PPM1L: variants seen among roughly 807,000 people sequenced by gnomAD.
The protein encoded by PPM1L is protein phosphatase 1L.
In PPM1L, 13 loss-of-function variants were observed where a neutral mutation model predicts 31.4. The observed-to-expected ratio is 0.41, with a 90% CI of 0.27 to 0.66. The LOEUF is 0.66. Among genes scored for constraint, PPM1L ranks in the 30% least tolerant of loss-of-function variants. The probability of loss-of-function intolerance (pLI) is 0.29; values close to 1 mark genes in which losing one functional copy is unlikely to be tolerated. For missense variants in PPM1L, 326 were observed against 453.7 expected, an observed-to-expected ratio of 0.72 and a Z score of 2.56; for synonymous variants, 184 against 175.4, an observed-to-expected ratio of 1.05 and a Z score of -0.39.
chr3:161,003,836 T>G (rs1389609121), intron 2 of PPM1L, among the ~76,000 whole-genome samples: 1 of 151,370 alleles, frequency 6.6e-6, no homozygotes, highest in Non-Finnish European at 1.5e-5. Context: ...TTTATTTCCT[T>G]CTCCTGCCTA....
At chr3:160,947,468 A>G (rs1285072092) in intron 1 of PPM1L, among the ~76,000 whole-genome samples, 3 of 151,846 alleles carry the variant, frequency 2.0e-5, no homozygotes, top group African/African-American at 7.3e-5. Context: ...CCTCCTCATC[A>G]TTTTTTAGAT....
chr3:160,826,462 A>T (rs905721765), intron 1 of PPM1L, among the ~76,000 whole-genome samples: 4 of 152,194 alleles, frequency 2.6e-5, no homozygotes, highest in African/African-American at 7.2e-5. Context: ...ATGAAATAAG[A>T]TGTTTAGTAA....
rs375607546 is a variant in PPM1L, at chr3:161,038,511, A to G, written c.575-26892A>G. Reference sequence around the variant, plus strand: ...TTATGTGTAGAAACGTGGTCTCACTATGTTGCCCAGGCTCAAACTTCTGGT... The same window carrying G: ...TTATGTGTAGAAACGTGGTCTCACTGTGTTGCCCAGGCTCAAACTTCTGGT... On this transcript the variant is annotated intron_variant, in intron 2 of 3. Coordinates refer to ENST00000498165, the MANE Select transcript of PPM1L (RefSeq NM_139245.4). 8.5e-5 allele frequency among the ~76,000 whole-genome samples: 12 copies of G among 141,260 alleles called. No individual in the cohort carries two copies. The East Asian group carries it at 2.5e-3, about 29-fold the overall frequency. 92.7% of individuals were successfully genotyped at this position (141,260 alleles called of 152,430 possible).
intron 1 of PPM1L, among the ~76,000 whole-genome samples, chr3:160,837,707 G>A (rs915251432): frequency 6.6e-6 from 1 of 152,144 alleles, no homozygotes; most frequent in African/African-American, 2.4e-5. Flanking sequence ...GCCAAGCCTC[G>A]GGTGGGACCC....
chr3:160,908,887 A>G (rs1473787173), intron 1 of PPM1L, among the ~76,000 whole-genome samples: 1 of 152,186 alleles, frequency 6.6e-6, no homozygotes, highest in Non-Finnish European at 1.5e-5. Flanking sequence ...AGGAGAATTC[A>G]TTTTGGGCTT....
Position 160,756,752 on chromosome 3 carries a change from CGTGTGTGT to C in PPM1L, c.399+76_399+83del, listed in dbSNP as rs113273287. 1,039 of 1,016,598 alleles carry C rather than the reference CGTGTGTGT, an allele frequency of 1.0e-3. 2 individuals carry two copies. The highest frequency in any genetic ancestry group is 2.6e-3 in the African/African-American group (142 of 55,506). 63.0% of individuals were successfully genotyped at this position (1,016,598 alleles called of 1,614,324 possible). ...TTTGTATTTGTGTCCGTGTATGTCT[CGTGTGTGT>C]GTGTGTGTGTGTGTGTGTGTGTGTG... On this transcript the variant is annotated intron_variant, in intron 1 of 3. Transcript: ENST00000498165. This position sits in a 1 kb window ranked among gnomAD's most constrained non-coding sequence, Gnocchi z 6.2.
rs1716715692 is a variant in PPM1L, at chr3:160,979,226, T to G, written c.574+17316T>G. On this transcript the variant is annotated intron_variant, in intron 2 of 3. Transcript: ENST00000498165. ...GGGGTTTATTTATTTGACAGTAATTTGTATTCATTTATTGATTTTCCAACC... is the reference window on the plus strand; with the variant it reads ...GGGGTTTATTTATTTGACAGTAATTGGTATTCATTTATTGATTTTCCAACC... Among the ~76,000 whole-genome samples, 2 of 152,020 alleles carry G rather than the reference T, an allele frequency of 1.3e-5. 1 individual carries two copies. Among genetic ancestry groups the G allele is most frequent in the Non-Finnish European group, 2.9e-5 (2 of 67,970 alleles).
intron 1 of PPM1L, among the ~76,000 whole-genome samples, chr3:160,875,675 C>A (rs907332125): frequency 1.3e-5 from 2 of 152,178 alleles, no homozygotes; most frequent in African/African-American, 4.8e-5. Context: ...ATCATTATAA[C>A]AATTGTATGA....
At chr3:160,854,164 G>A (rs146679603) in intron 1 of PPM1L, among the ~76,000 whole-genome samples, 53 of 152,210 alleles carry the variant, frequency 3.5e-4, no homozygotes, top group South Asian at 1.9e-3. Flanking sequence ...TACTTTGACC[G>A]CATCATGTGG....
intron 2 of PPM1L, among the ~76,000 whole-genome samples, chr3:161,033,846 T>TA (rs1718654575): frequency 6.6e-6 from 1 of 152,270 alleles, no homozygotes; most frequent in East Asian, 1.9e-4. Context: ...ACAAATAAGA[T>TA]ATAATTCAAC....
Position 161,076,582 on chromosome 3 carries a change from C to T in PPM1L, c.*7425C>T, listed in dbSNP as rs890577646. 2.0e-5 allele frequency: 3 copies of T among 152,104 alleles called. No individual in the cohort carries two copies. Among genetic ancestry groups the T allele is most frequent in the Non-Finnish European group, 4.4e-5 (3 of 68,018 alleles). The allele number at this position is 152,104 out of a possible 1,614,324, so 9.4% of individuals were successfully genotyped here. A position where few individuals can be genotyped will look rare whatever the true frequency, so the allele number is the denominator to read the frequency against. On this transcript the variant is annotated 3_prime_UTR_variant, in exon 4 of 4. Transcript: ENST00000498165. Reference sequence around the variant, plus strand: ...CTACAATATTGTCTTTCAGTTTACTCTTCAATTACTAAAGCAAATGATTTT... The same window carrying T: ...CTACAATATTGTCTTTCAGTTTACTTTTCAATTACTAAAGCAAATGATTTT...
intron 1 of PPM1L, among the ~76,000 whole-genome samples, chr3:160,843,513 A>G (rs1713972828): frequency 7.3e-6 from 1 of 137,750 alleles, no homozygotes; most frequent in Non-Finnish European, 1.5e-5. Context: ...CATGTGCACA[A>G]CGTGCAGGTT....
intron 1 of PPM1L, among the ~76,000 whole-genome samples, chr3:160,788,929 T>C (rs1212960932): frequency 7.2e-5 from 11 of 151,948 alleles, no homozygotes; most frequent in Admixed American, 7.2e-4. Context: ...AACTTTACAA[T>C]ATTTTAACAT....
intron 2 of PPM1L, among the ~76,000 whole-genome samples, chr3:161,011,159 G>T (rs921173588): frequency 1.3e-5 from 2 of 152,052 alleles, no homozygotes; most frequent in Non-Finnish European, 2.9e-5. Context: ...GGTCTAACAT[G>T]TAAGTCTTTA....
chr3:160,974,332 A>T (rs1716477533), intron 2 of PPM1L, among the ~76,000 whole-genome samples: 1 of 151,976 alleles, frequency 6.6e-6, no homozygotes, highest in South Asian at 2.1e-4. Flanking sequence ...CAATAAACAT[A>T]CATGTGCATG....
chr3:160,812,472 A>G (rs372519686), intron 1 of PPM1L, among the ~76,000 whole-genome samples: 8 of 152,168 alleles, frequency 5.3e-5, no homozygotes, highest in African/African-American at 1.9e-4. Flanking sequence ...GGTACTTTTC[A>G]TAGGAGGCTG....
At chr3:160,887,804 C>T (rs372544090) in intron 1 of PPM1L, among the ~76,000 whole-genome samples, 4 of 151,918 alleles carry the variant, frequency 2.6e-5, no homozygotes, top group East Asian at 3.9e-4. Context: ...AGGATGGTCT[C>T]GATTTCCTGA....
At chr3:161,039,370 T>C (rs1239142122) in intron 2 of PPM1L, among the ~76,000 whole-genome samples, 3 of 152,120 alleles carry the variant, frequency 2.0e-5, no homozygotes, top group Non-Finnish European at 2.9e-5. Flanking sequence ...TCAAGGTTCT[T>C]GGAACTCAGC....
At chr3:160,866,690 T>C (rs1267629528) in intron 1 of PPM1L, among the ~76,000 whole-genome samples, 1 of 152,202 alleles carries the variant, frequency 6.6e-6, no homozygotes. Context: ...AAACCATCTC[T>C]CCTAAGACAA....
Sources: gnomAD v4.1 joint callset for allele counts (sites outside exome capture counted in the v4.1 genomes callset) on GRCh38, gnomAD v4.1.1 for gene constraint, Gnocchi (gnomAD v3.1) non-coding constraint, MANE v1.5 for transcripts, NCBI Gene and HGNC (gene_info 2026-07-23, HGNC 2026-07-21) for gene names.